Variants in APAF1 observed in about 807,000 individuals in gnomAD.
APAF1 encodes the protein apoptotic protease-activating factor 1.
Under a neutral mutation model 152.4 loss-of-function variants are expected in APAF1, and 91 were observed. That is an observed-to-expected ratio of 0.60 (90% CI 0.50 to 0.71). The LOEUF (loss-of-function observed/expected upper bound fraction) is 0.71, where lower values mean the gene tolerates loss of function less well. APAF1 is among the 30% of genes least tolerant of loss of function. APAF1 has a pLI of 0.00. For missense variants in APAF1, 1,283 were observed against 1,472.0 expected, an observed-to-expected ratio of 0.87 and a Z score of 2.10; for synonymous variants, 484 against 494.1, an observed-to-expected ratio of 0.98 and a Z score of 0.27.
At chr12:98,647,589 C>A (rs2097643005) in intron 1 of APAF1, among the ~76,000 whole-genome samples, 1 of 151,758 alleles carries the variant, frequency 6.6e-6, no homozygotes, top group Admixed American at 6.6e-5. Flanking sequence ...CCAGGCTGGT[C>A]TTGAATTCCT....
At position 98,666,302 on chromosome 12, in the gene APAF1, A is replaced by T. The variant is rs759154322; in HGVS notation, c.1307A>T (p.Tyr436Phe). ...CGGAATGGAAAGTCGTTTCGTTATT[A>T]TTTACATGATCTTCAAGTAGATTTT... ...CDRNGKSFRY[Y>F]LHDLQVDFLT... The change falls in exon 9 of 27, where the codon TAT becomes TTT. Residue 436 changes from tyrosine to phenylalanine, a missense_variant. Tyr to Phe is a conservative substitution (Grantham distance 22). Coordinates refer to ENST00000551964, the MANE Select transcript of APAF1 (RefSeq NM_181861.2). The T allele has an allele frequency of 1.2e-6, 2 of 1,613,714 alleles. No homozygotes were observed. The highest frequency in any genetic ancestry group is 1.3e-5 in the African/African-American group (1 of 74,964).
intron 20 of APAF1, 131 bp from the exon 21 acceptor site, chr12:98,712,188 G>C: frequency 5.9e-6 from 4 of 682,390 alleles, no homozygotes; most frequent in Non-Finnish European, 1.1e-5. Context: ...GATATGGCTT[G>C]TTGTTCCCCT....
intron 12 of APAF1, among the ~76,000 whole-genome samples, chr12:98,672,911 C>T (rs1361428537): frequency 2.6e-5 from 4 of 151,920 alleles, no homozygotes; most frequent in South Asian, 2.1e-4. Flanking sequence ...TATGCCACCA[C>T]GCCTGGCCGA....
intron 5 of APAF1, among the ~76,000 whole-genome samples, chr12:98,661,853 A>G (rs2097665814): frequency 1.3e-5 from 2 of 151,806 alleles, no homozygotes; most frequent in South Asian, 4.2e-4. Context: ...TTTTCCCCTC[A>G]TCTGTTCTAG....
Position 98,652,814 on chromosome 12 carries a change from C to T in APAF1, c.526+3130C>T, listed in dbSNP as rs367767619. 5.9e-5 allele frequency among the ~76,000 whole-genome samples: 9 copies of T among 151,794 alleles called. No individual in the cohort carries two copies. The South Asian group carries it at 1.0e-3, about 18-fold the overall frequency. On this transcript the variant is annotated intron_variant, in intron 4 of 26. Coordinates refer to ENST00000551964, the MANE Select transcript of APAF1 (RefSeq NM_181861.2). Reference sequence around the variant, plus strand: ...GCTAATTTTGTATTTTTAGTAGAGACGGGGTTTCTCCATGTTGGTCAGGCT... The same window carrying T: ...GCTAATTTTGTATTTTTAGTAGAGATGGGGTTTCTCCATGTTGGTCAGGCT...
chr12:98,655,474 CCCT>C (rs2097655960), intron 4 of APAF1, among the ~76,000 whole-genome samples: 1 of 151,836 alleles, frequency 6.6e-6, no homozygotes, highest in African/African-American at 2.4e-5. Context: ...CCCCCCACCT[CCCT>C]CCCGGACGGG....
Position 98,662,834 on chromosome 12 carries a change from G to A in APAF1, c.955+28G>A, listed in dbSNP as rs771508556. On this transcript the variant is annotated intron_variant, in intron 7 of 26. Transcript: ENST00000551964. Reference sequence around the variant, plus strand: ...ATGGTTATTTATTTGTTTATGAGGAGATTATAGGGAGTTATATAATTTCCC... The same window carrying A: ...ATGGTTATTTATTTGTTTATGAGGAAATTATAGGGAGTTATATAATTTCCC... 12 of 1,586,234 alleles carry A rather than the reference G, an allele frequency of 7.6e-6. 1 individual carries two copies. The South Asian group carries it at 1.3e-4, about 18-fold the overall frequency.
Position 98,670,962 on chromosome 12 carries a change from G to T in APAF1, c.1495-11G>T, listed in dbSNP as rs1023098129. 9.4e-6 allele frequency: 15 copies of T among 1,597,668 alleles called. No homozygotes were observed. The highest frequency in any genetic ancestry group is 1.3e-5 in the Non-Finnish European group (15 of 1,165,632). On this transcript the variant is annotated splice_polypyrimidine_tract_variant and intron_variant, in intron 10 of 26. Coordinates refer to ENST00000551964, the MANE Select transcript of APAF1 (RefSeq NM_181861.2). The stretch of plus-strand genomic sequence containing the variant: ...AACAGTGCTGCTGATACTACTTTTT[G>T]TTTTTTAAAGGAACTTTGTGCTTTA...
chr12:98,715,605 A>C, intron 22 of APAF1, 53 bp downstream of exon 22: 2 of 1,601,774 alleles, frequency 1.2e-6, no homozygotes, highest in Non-Finnish European at 1.7e-6. Flanking sequence ...TAGCAAAGGA[A>C]CACTATGATT....
rs551873978 is a variant in APAF1, at chr12:98,690,165, A to G, written c.2304+3292A>G. On this transcript the variant is annotated intron_variant, in intron 16 of 26. Transcript: ENST00000551964. ...AGAAAGGTAAACTGTTTTGATTCTG[A>G]TACTCTGGTTGAATCTTTGATCTTG... Among the ~76,000 whole-genome samples, 39 of 152,302 alleles carry G rather than the reference A, an allele frequency of 2.6e-4. 1 individual carries two copies. In the South Asian group the frequency reaches 6.2e-3, roughly 24 times the overall value.
chr12:98,652,982 G>A (rs2097650842), intron 4 of APAF1, among the ~76,000 whole-genome samples: 2 of 151,372 alleles, frequency 1.3e-5, no homozygotes, highest in Non-Finnish European at 2.9e-5. Context: ...TTTTTTCCTG[G>A]GTGTTCTCAG....
intron 21 of APAF1, among the ~76,000 whole-genome samples, chr12:98,714,705 G>T (rs2097731921): frequency 6.6e-6 from 1 of 152,102 alleles, no homozygotes; most frequent in Non-Finnish European, 1.5e-5. Context: ...GGTTAGGTTT[G>T]AGTTTCTGGT....
intron 13 of APAF1, 134 bp from the exon 14 acceptor site, chr12:98,680,143 T>A: frequency 1.3e-6 from 1 of 794,174 alleles, no homozygotes; most frequent in South Asian, 1.8e-5. Flanking sequence ...ATTCTGATTT[T>A]GGGAGTAGCT....
intron 12 of APAF1, among the ~76,000 whole-genome samples, chr12:98,673,442 C>CAAAAAAAAA (rs1162049645): frequency 1.6e-4 from 14 of 89,198 alleles, no homozygotes; most frequent in Admixed American, 4.7e-4. Flanking sequence ...TCTCAAAAAA[C>CAAAAAAAAA]AAAAAAAAAA....
At chr12:98,705,950 C>T (rs528791411) in intron 18 of APAF1, among the ~76,000 whole-genome samples, 28 of 152,308 alleles carry the variant, frequency 1.8e-4, no homozygotes, top group Admixed American at 1.2e-3. Flanking sequence ...CCTATCCCTT[C>T]GCCTCGCTCT....
chr12:98,679,076 A>G (rs2097689577), intron 13 of APAF1, among the ~76,000 whole-genome samples: 1 of 152,200 alleles, frequency 6.6e-6, no homozygotes, highest in Non-Finnish European at 1.5e-5. Context: ...TGTGGACTGA[A>G]TGGACTGGAG....
intron 4 of APAF1, among the ~76,000 whole-genome samples, chr12:98,653,692 A>C (rs1231259993): frequency 5.3e-4 from 8 of 15,062 alleles, no homozygotes; most frequent in African/African-American, 1.9e-3. Context: ...AAAAAAAAAA[A>C]TATATATATA....
chr12:98,703,949 C>G (rs1041204027), intron 18 of APAF1, among the ~76,000 whole-genome samples: 10 of 152,164 alleles, frequency 6.6e-5, no homozygotes, highest in Non-Finnish European at 1.5e-4. Flanking sequence ...TTGCCAGGCA[C>G]TAATGAATAA....
chr12:98,688,739 C>G (rs1367837125), intron 16 of APAF1, among the ~76,000 whole-genome samples: 1 of 150,716 alleles, frequency 6.6e-6, no homozygotes, highest in African/African-American at 2.4e-5. Context: ...GGATTATAGG[C>G]GTGAGCCACC....
Sources: allele counts gnomAD v4.1 joint callset (sites outside exome capture counted in the v4.1 genomes callset), GRCh38; gene constraint gnomAD v4.1.1; transcripts MANE v1.5; gene names NCBI Gene and HGNC (gene_info 2026-07-23, HGNC 2026-07-21).